Variants in SH2D4A observed in about 807,000 individuals in gnomAD.
The protein encoded by SH2D4A is SH2 domain containing 4A.
Under a neutral mutation model 64.7 loss-of-function variants are expected in SH2D4A, and 70 were observed. The observed-to-expected ratio is 1.08, with a 90% confidence interval of 0.89 to 1.32. SH2D4A has a LOEUF of 1.32. SH2D4A is among the 40% of genes most tolerant of loss of function. The probability of loss-of-function intolerance (pLI) is 0.00; values close to 1 mark genes in which losing one functional copy is unlikely to be tolerated. For missense variants in SH2D4A, 706 were observed against 540.1 expected (o/e 1.31, Z -3.04); for synonymous variants, 268 against 200.7 (o/e 1.34, Z -2.83).
At chr8:19,330,446 G>A (rs2052351415) in intron 2 of SH2D4A, among the ~76,000 whole-genome samples, 1 of 152,114 alleles carries the variant, frequency 6.6e-6, no homozygotes, top group Non-Finnish European at 1.5e-5. Context: ...TTCTTGCCAA[G>A]AGCCACTGCT....
intron 4 of SH2D4A, among the ~76,000 whole-genome samples, chr8:19,336,309 G>A (rs2052445172): frequency 6.6e-6 from 1 of 152,140 alleles, no homozygotes; most frequent in South Asian, 2.1e-4. Context: ...TGAGGGCTAT[G>A]AAGAAGCTTT....
chr8:19,357,440 C>T (rs992426698), intron 5 of SH2D4A, among the ~76,000 whole-genome samples, 157 bp downstream of exon 5: 1 of 152,130 alleles, frequency 6.6e-6, no homozygotes, highest in Non-Finnish European at 1.5e-5. Context: ...CATCTTTACC[C>T]GTTTATCTGG....
At chr8:19,361,162 T>TTTGTC in intron 5 of SH2D4A, 41 bp from the exon 6 acceptor site, 1 of 1,286,796 alleles carries the variant, frequency 7.8e-7, no homozygotes, top group Non-Finnish European at 1.1e-6. Context: ...CTTTTTTTGT[T>TTTGTC]TTGTTTTGTT....
intron 8 of SH2D4A, among the ~76,000 whole-genome samples, chr8:19,391,722 T>A (rs535575227): frequency 6.6e-6 from 1 of 152,082 alleles, no homozygotes; most frequent in African/African-American, 2.4e-5. Context: ...ATTTTTAAAA[T>A]CCTCCTGTCA....
At chr8:19,392,823 G>A (rs1412023132) in intron 8 of SH2D4A, among the ~76,000 whole-genome samples, 1 of 151,782 alleles carries the variant, frequency 6.6e-6, no homozygotes, top group Non-Finnish European at 1.5e-5. Flanking sequence ...CTCACTGCAA[G>A]CTCCGTTTCC....
chr8:19,362,548 T>A (rs952030186), intron 6 of SH2D4A, among the ~76,000 whole-genome samples: 1 of 152,144 alleles, frequency 6.6e-6, no homozygotes, highest in Non-Finnish European at 1.5e-5. Flanking sequence ...AAGACCAGCC[T>A]GGCCAACATG....
chr8:19,363,612 A>G (rs2052931009), intron 6 of SH2D4A, among the ~76,000 whole-genome samples: 1 of 152,004 alleles, frequency 6.6e-6, no homozygotes, highest in Admixed American at 6.6e-5. Context: ...CCTTCACCCT[A>G]TGCACAGCCC....
intron 4 of SH2D4A, among the ~76,000 whole-genome samples, chr8:19,342,308 G>A (rs1433708723): frequency 6.6e-6 from 1 of 152,188 alleles, no homozygotes; most frequent in Non-Finnish European, 1.5e-5. Flanking sequence ...TGTAGAACTT[G>A]GGGTAAATCC....
chr8:19,388,540 C>G (rs549496876), intron 8 of SH2D4A, among the ~76,000 whole-genome samples: 47 of 152,256 alleles, frequency 3.1e-4, no homozygotes, highest in African/African-American at 1.1e-3. Flanking sequence ...AACAATATAT[C>G]TATGTAGGGT....
At chr8:19,383,348 A>G (rs2053330972) in intron 8 of SH2D4A, among the ~76,000 whole-genome samples, 2 of 149,218 alleles carry the variant, frequency 1.3e-5, no homozygotes. Context: ...TCCTCTAGTG[A>G]ATTTTTCATT....
chr8:19,314,166 C>T, intron 1 of SH2D4A: 8 of 977,034 alleles, frequency 8.2e-6, no homozygotes, highest in Non-Finnish European at 1.0e-5. Context: ...TGAGGACCTT[C>T]GGGGAAGTTC....
At chr8:19,386,432 G>C (rs573138815) in intron 8 of SH2D4A, among the ~76,000 whole-genome samples, 1 of 152,312 alleles carries the variant, frequency 6.6e-6, no homozygotes, top group East Asian at 1.9e-4. Flanking sequence ...CAGTAATGTG[G>C]GGAATAGCCC....
intron 8 of SH2D4A, among the ~76,000 whole-genome samples, chr8:19,387,873 G>A (rs955183910): frequency 2.0e-5 from 3 of 152,150 alleles, no homozygotes; most frequent in Middle Eastern, 3.2e-3. Context: ...CACATAATAA[G>A]CCCTAGTTAA....
At chr8:19,376,242 T>G (rs2053193736) in intron 8 of SH2D4A, among the ~76,000 whole-genome samples, 1 of 152,114 alleles carries the variant, frequency 6.6e-6, no homozygotes, top group African/African-American at 2.4e-5. Context: ...AGGTCAGCCT[T>G]TGACGTAGGA....
At position 19,364,173 on chromosome 8, in the gene SH2D4A, G is replaced by C. The variant is rs754473673; in HGVS notation, c.808G>C (p.Gly270Arg). Residue 270 changes from glycine to arginine, a missense_variant, in exon 7 of 10, where the codon GGT (glycine) becomes CGT (arginine). By Grantham distance (125) the Gly-to-Arg change is moderately radical. Transcript: ENST00000265807. Reference protein sequence around the residue: ...LSLGAQKGRGGERLQSPLRVP... With the variant: ...LSLGAQKGRGRERLQSPLRVP... ...CCTCGGGGCCCAGAAAGGAAGAGGC[G>C]GTGAGAGGCTGCAAAGCCCCTTGCG... The C allele has an allele frequency of 4.3e-6, 7 of 1,614,036 alleles. No individual in the cohort carries two copies. In the African/African-American group the frequency reaches 8.0e-5, roughly 18 times the overall value.
chr8:19,318,503 T>C (rs2052128325), intron 1 of SH2D4A, among the ~76,000 whole-genome samples: 2 of 152,230 alleles, frequency 1.3e-5, no homozygotes, highest in Non-Finnish European at 2.9e-5. Context: ...GAGGCCACTG[T>C]GCACTCTCGC....
rs73667637 is a variant in SH2D4A at position 19,319,384 on chromosome 8, G to T, written c.-164G>T. 1,001 of 1,278,712 alleles carry T rather than the reference G, an allele frequency of 7.8e-4. 10 individuals carry two copies. In the African/African-American group the frequency reaches 0.014, roughly 18 times the overall value. The allele number at this position is 1,278,712 out of a possible 1,614,324, so 79.2% of individuals were successfully genotyped here. A position where few individuals can be genotyped will look rare whatever the true frequency, so the allele number is the denominator to read the frequency against. On this transcript the variant is annotated 5_prime_UTR_variant, in exon 2 of 10. Coordinates refer to ENST00000265807, the MANE Select transcript of SH2D4A (RefSeq NM_022071.4). Reference sequence around the variant, plus strand: ...TTTTGGACAGGACATTTGGTGCCAGGTCTGAGTAGCCAGTTTGCTGAATTA... The same window carrying T: ...TTTTGGACAGGACATTTGGTGCCAGTTCTGAGTAGCCAGTTTGCTGAATTA...
intron 6 of SH2D4A, 35 bp downstream of exon 6, chr8:19,361,349 G>T: frequency 6.4e-7 from 1 of 1,555,934 alleles, no homozygotes; most frequent in South Asian, 1.3e-5. Flanking sequence ...CACCTTCCAG[G>T]CTCTCAGCTG....
intron 2 of SH2D4A, among the ~76,000 whole-genome samples, chr8:19,324,861 G>A (rs969982130): frequency 1.3e-5 from 2 of 152,044 alleles, no homozygotes; most frequent in African/African-American, 4.8e-5. Context: ...TCAGGGGTTC[G>A]CAGATCCTAG....
Sources: gnomAD v4.1 joint callset for allele counts (sites outside exome capture counted in the v4.1 genomes callset) on GRCh38, gnomAD v4.1.1 for gene constraint, MANE v1.5 for transcripts, NCBI Gene and HGNC (gene_info 2026-07-23, HGNC 2026-07-21) for gene names.